Variants in DPH1 observed in about 807,000 individuals in gnomAD.
The protein encoded by DPH1 is 2-(3-amino-3-carboxypropyl)histidine synthase subunit 1.
DPH1 carries 59 observed loss-of-function variants against 55.3 expected under a neutral mutation model. That is an observed-to-expected ratio of 1.07 (90% CI 0.87 to 1.33). The LOEUF (loss-of-function observed/expected upper bound fraction) is 1.33, where lower values mean the gene tolerates loss of function less well. Ranked by LOEUF, DPH1 falls within the 40% of genes most tolerant of loss-of-function variation. The pLI is 0.00. For synonymous variants in DPH1, 238 were observed against 235.5 expected (o/e 1.01, Z -0.10); for missense variants, 628 against 584.8 (o/e 1.07, Z -0.76).
rs768373355 is a variant in DPH1 at position 2,039,824 on chromosome 17, G to A, written c.749+1G>A. 2.5e-6 allele frequency: 4 copies of A among 1,614,072 alleles called. No individual in the cohort carries two copies. Among genetic ancestry groups the A allele is most frequent in the South Asian group, 2.2e-5 (2 of 91,086 alleles). On this transcript the variant is annotated splice_donor_variant, in intron 7 of 12. Transcript: ENST00000263083. LOFTEE classifies it high-confidence loss of function. ...CCAACCCCAATGTCCCCGCTTACCG[G>A]TATGGGCTGGGCCGGGCTGGGCTGA...
In DPH1 at chr17:2,041,760, G is replaced by A. The variant is rs1168983055; in HGVS notation, c.1228-8G>A. The A allele has an allele frequency of 2.5e-6, 4 of 1,601,596 alleles. No individual in the cohort carries two copies. The highest frequency in any genetic ancestry group is 2.6e-6 in the Non-Finnish European group (3 of 1,174,664). ...GAGCGAGACCCTAACCAAAGTCTGC[G>A]ACCTCAGGTGCAGGAGGGGTCCGCG... is the stretch of plus-strand genomic sequence containing the variant. On this transcript the variant is annotated splice_polypyrimidine_tract_variant and splice_region_variant and intron_variant, in intron 11 of 12. Transcript: ENST00000263083.
chr17:2,032,355 T>C (rs2067342493), intron 1 of DPH1, among the ~76,000 whole-genome samples: 1 of 152,194 alleles, frequency 6.6e-6, no homozygotes, highest in African/African-American at 2.4e-5. Context: ...ACCTCTGTTC[T>C]CCTGAGGAAG....
At position 2,030,371 on chromosome 17, in the gene DPH1, C is replaced by G. The variant is rs553434451; in HGVS notation, c.61+141C>G. ...TGTTAGTCGCCTTGGGCCGCTGTCACCAGCTCGGGGTCGCTGTCAGCCGGA... is the reference window on the plus strand; with the variant it reads ...TGTTAGTCGCCTTGGGCCGCTGTCAGCAGCTCGGGGTCGCTGTCAGCCGGA... On this transcript the variant is annotated intron_variant, in intron 1 of 12. Coordinates refer to ENST00000263083, the MANE Select transcript of DPH1 (RefSeq NM_001383.6). The G allele has an allele frequency of 5.7e-5, 60 of 1,058,512 alleles. No homozygotes were observed. In the Admixed American group the frequency reaches 1.4e-3, roughly 24 times the overall value. The allele number at this position is 1,058,512 out of a possible 1,614,324, so 65.6% of individuals were successfully genotyped here. A position where few individuals can be genotyped will look rare whatever the true frequency, so the allele number is the denominator to read the frequency against.
Position 2,039,736 on chromosome 17 carries a change from C to A in DPH1, c.681-19C>A. 1.2e-6 allele frequency: 2 copies of A among 1,614,140 alleles called. No homozygotes were observed. The highest frequency in any genetic ancestry group is 1.7e-6 in the Non-Finnish European group (2 of 1,180,016). On this transcript the variant is annotated intron_variant, in intron 6 of 12. Coordinates refer to ENST00000263083, the MANE Select transcript of DPH1 (RefSeq NM_001383.6). ...TCTGCTGCCCTAAACCACACTTAGC[C>A]TCCTTTCCACCCCTGCAGGTATCTT...
Position 2,041,583 on chromosome 17 carries a change from C to T in DPH1, c.1189C>T (p.Arg397Cys). 2 of 1,609,970 alleles carry T rather than the reference C, an allele frequency of 1.2e-6. No homozygotes were observed. The highest frequency in any genetic ancestry group is 1.1e-5 in the South Asian group (1 of 90,924). Residue 397 changes from arginine to cysteine, a missense_variant, in exon 11 of 13, where the codon CGC (arginine) becomes TGC (cysteine). Coordinates refer to ENST00000263083, the MANE Select transcript of DPH1 (RefSeq NM_001383.6). ...GPWTVNHGQDRRPHAPGRPAR... is the reference protein window; with the variant it reads ...GPWTVNHGQDCRPHAPGRPAR... ...CTGGACGGTGAACCACGGCCAGGAC[C>T]GCCGTCCCCACGCCCCGGGCCGGCC...
At position 2,036,393 on chromosome 17, in the gene DPH1, C is replaced by T. The variant is rs1448378850; in HGVS notation, c.401-136C>T. 4 of 1,192,402 alleles carry T rather than the reference C, an allele frequency of 3.4e-6. No individual in the cohort carries two copies. The highest frequency in any genetic ancestry group is 1.5e-5 in the African/African-American group (1 of 65,490). The allele number at this position is 1,192,402 out of a possible 1,614,324, so 73.9% of individuals were successfully genotyped here. ...GAAGGAGCTTCTAGGGGATCTGTGA[C>T]CCCCCTCTTCTCCTACCCTGTCCTT... is the stretch of plus-strand genomic sequence containing the variant. On this transcript the variant is annotated intron_variant, in intron 4 of 12. Transcript: ENST00000263083. The surrounding 1 kb of genome is among the most constrained non-coding windows in gnomAD (Gnocchi z 4.8).
chr17:2,041,550 T>A lies in DPH1; in HGVS notation c.1156T>A (p.Leu386Met), dbSNP rs1300879082. ...GATGGACTTCTACGCTGGCAGCTCC[T>A]TGGGGCCCTGGACGGTGAACCACGG... ...YPMDFYAGSS[L>M]GPWTVNHGQD... is the part of the protein sequence containing the mutation. Residue 386 changes from leucine to methionine, a missense_variant, in exon 11 of 13, where the codon TTG (leucine) becomes ATG (methionine). Transcript: ENST00000263083. The A allele has an allele frequency of 1.9e-6, 3 of 1,612,806 alleles. No individual in the cohort carries two copies. The highest frequency in any genetic ancestry group is 1.7e-6 in the Non-Finnish European group (2 of 1,179,750).
chr17:2,034,400 A>G (rs2067374334), intron 3 of DPH1, among the ~76,000 whole-genome samples: 1 of 151,664 alleles, frequency 6.6e-6, no homozygotes, highest in African/African-American at 2.4e-5. Flanking sequence ...CAGCACAGGA[A>G]CAGGGGAGGG....
intron 6 of DPH1, among the ~76,000 whole-genome samples, chr17:2,038,104 G>C (rs1278259931): frequency 7.3e-6 from 1 of 137,094 alleles, no homozygotes; most frequent in Non-Finnish European, 1.5e-5. Context: ...ATGTCCAGGA[G>C]TTTGAGACCA....
Position 2,043,292 on chromosome 17 carries a change from A to C in DPH1, c.*706A>C. On this transcript the variant is annotated 3_prime_UTR_variant, in exon 13 of 13. Transcript: ENST00000263083. ...CCTGTACTGAAGAAAAGGGGAGCAC[A>C]AGGCCTTAATGGACATTGACTTGTG... 1 of 688,808 alleles carries C rather than the reference A, an allele frequency of 1.5e-6. No homozygotes were observed. The highest frequency in any genetic ancestry group is 2.4e-6 in the Non-Finnish European group (1 of 423,876). 42.7% of individuals were successfully genotyped at this position (688,808 alleles called of 1,614,324 possible). A position where few individuals can be genotyped will look rare whatever the true frequency, so the allele number is the denominator to read the frequency against.
At position 2,033,569 on chromosome 17, in the gene DPH1, G is replaced by A. The variant is rs756440283; in HGVS notation, c.126G>A (p.Leu42=). 1.2e-6 allele frequency: 2 copies of A among 1,614,104 alleles called. No homozygotes were observed. Among genetic ancestry groups the A allele is most frequent in the Non-Finnish European group, 1.7e-6 (2 of 1,180,060 alleles). ...IPPEILKNPQ[L]QAAIRVLPSN... is the part of the protein sequence containing the mutation. ...CTGAGATCCTGAAGAACCCTCAGCT[G>A]CAGGCAGCAATCCGGGTCCTGCCTT... The change falls in exon 2 of 13, where the codon CTG becomes CTA. Residue 42 remains leucine (L), a synonymous_variant. Coordinates refer to ENST00000263083, the MANE Select transcript of DPH1 (RefSeq NM_001383.6).
intron 1 of DPH1, among the ~76,000 whole-genome samples, chr17:2,030,564 A>G (rs1411606035): frequency 2.6e-5 from 4 of 152,186 alleles, no homozygotes; most frequent in Non-Finnish European, 5.9e-5. Flanking sequence ...GTGCGCCCTC[A>G]GGGAATGCTT....
chr17:2,042,787 G>A lies in DPH1; in HGVS notation c.*201G>A. The A allele has an allele frequency of 1.9e-6, 3 of 1,613,198 alleles. No homozygotes were observed. The highest frequency in any genetic ancestry group is 2.7e-5 in the African/African-American group (2 of 74,924). On this transcript the variant is annotated 3_prime_UTR_variant, in exon 13 of 13. Coordinates refer to ENST00000263083, the MANE Select transcript of DPH1 (RefSeq NM_001383.6). ...CCTTCTTGGTTTCAGCCAAGGGGCT[G>A]CGCTAGCAGCCCTTGTGTGTGCCCT...
rs117830677 is a variant in DPH1 at position 2,035,944 on chromosome 17, A to C, written c.279-26A>C. 1.5e-4 allele frequency: 241 copies of C among 1,613,348 alleles called. 2 individuals are homozygous for C. In the East Asian group the frequency reaches 5.3e-3, roughly 36 times the overall value. On this transcript the variant is annotated intron_variant, in intron 3 of 12. Transcript: ENST00000263083. ...ACCTCAGTCCCTGTGTCCCTGTCCC[A>C]CCGTTCCCCGCCCCTGTGCCCGCAG...
intron 9 of DPH1, 115 bp from the exon 10 acceptor site, chr17:2,040,988 G>T: frequency 9.9e-7 from 1 of 1,006,304 alleles, no homozygotes; most frequent in Non-Finnish European, 1.5e-6. Flanking sequence ...TTTACTTTAG[G>T]ATTCATAAAG....
chr17:2,042,122 G>A lies in DPH1; in HGVS notation c.*18+247G>A, dbSNP rs746645145. 21 of 1,562,652 alleles carry A rather than the reference G, an allele frequency of 1.3e-5. No homozygotes were observed. In the South Asian group the frequency reaches 2.4e-4, roughly 18 times the overall value. Reference sequence around the variant, plus strand: ...AGAGCGAGCGGGGCTTCCGTGAGAAGACCGGGGCGCTGAGGAAGGCGCTGC... The same window carrying A: ...AGAGCGAGCGGGGCTTCCGTGAGAAAACCGGGGCGCTGAGGAAGGCGCTGC... On this transcript the variant is annotated intron_variant, in intron 12 of 12. Transcript: ENST00000263083.
rs1402741587 is a variant in DPH1 at position 2,043,050 on chromosome 17, A to G, written c.*464A>G. 3 of 1,613,910 alleles carry G rather than the reference A, an allele frequency of 1.9e-6. No homozygotes were observed. The highest frequency in any genetic ancestry group is 2.2e-5 in the East Asian group (1 of 44,892). On this transcript the variant is annotated 3_prime_UTR_variant, in exon 13 of 13. Transcript: ENST00000263083. ...ACTCTGGTGGCCACTTCATTCCAGC[A>G]GCTGCACCCCAGCGTCAGGCCTACC...
chr17:2,040,183 G>A (rs1184701384), intron 7 of DPH1, 35 bp from the exon 8 acceptor site: 1 of 1,610,854 alleles, frequency 6.2e-7, no homozygotes, highest in East Asian at 2.2e-5. Flanking sequence ...TCCTGACAGT[G>A]GCTGCCACAG....
Position 2,036,630 on chromosome 17 carries a change from C to T in DPH1, c.502C>T (p.Pro168Ser). Residue 168 changes from proline to serine, a missense_variant, in exon 5 of 13, where the codon CCC becomes TCC. Coordinates refer to ENST00000263083, the MANE Select transcript of DPH1 (RefSeq NM_001383.6). This position sits in a 1 kb window ranked among gnomAD's most constrained non-coding sequence, Gnocchi z 4.8. ...HLLDSLRLTF[P>S]PATALALVST... Reference sequence around the variant, plus strand: ...CCTGGACTCTCTCCGCCTCACCTTTCCCCCAGCCACTGCCCTTGCCCTGGT... The same window carrying T: ...CCTGGACTCTCTCCGCCTCACCTTTTCCCCAGCCACTGCCCTTGCCCTGGT... 1.2e-6 allele frequency: 2 copies of T among 1,614,138 alleles called. No individual in the cohort carries two copies. Among genetic ancestry groups the T allele is most frequent in the Non-Finnish European group, 1.7e-6 (2 of 1,180,010 alleles).
Sources: allele counts gnomAD v4.1 joint callset (sites outside exome capture counted in the v4.1 genomes callset), GRCh38; gene constraint gnomAD v4.1.1; non-coding constraint Gnocchi (gnomAD v3.1); transcripts MANE v1.5; gene names NCBI Gene and HGNC (gene_info 2026-07-23, HGNC 2026-07-21).